Variants in NRF1 observed in about 807,000 individuals in gnomAD.
The protein encoded by NRF1 is nuclear respiratory factor 1.
In NRF1, 5 loss-of-function variants were observed where a neutral mutation model predicts 58.5. The observed-to-expected ratio is 0.09, with a 90% CI of 0.04 to 0.18. The LOEUF is 0.18. NRF1 is among the 10% of genes least tolerant of loss of function. The pLI is 1.00. For missense variants in NRF1, 288 were observed against 657.7 expected (o/e 0.44, Z 6.15); for synonymous variants, 224 against 246.7 (o/e 0.91, Z 0.86).
intron 2 of NRF1, among the ~76,000 whole-genome samples, chr7:129,663,853 G>A (rs1354809073): frequency 1.3e-5 from 2 of 152,222 alleles, no homozygotes; most frequent in East Asian, 3.9e-4. Context: ...CATTGAGTGA[G>A]CGAGACTCCG....
rs189191894 is a variant in NRF1 at position 129,628,168 on chromosome 7, C to T, written c.-7+16344C>T. Among the ~76,000 whole-genome samples the T allele has an allele frequency of 3.2e-3, 485 of 150,440 alleles. 2 individuals carry two copies. The highest frequency in any genetic ancestry group is 0.011 in the African/African-American group (462 of 41,034). On this transcript the variant is annotated intron_variant, in intron 1 of 10. Coordinates refer to ENST00000393232, the MANE Select transcript of NRF1 (RefSeq NM_005011.5). ...ACTCCATTCTCCTACCTCAGCCTCC[C>T]AAGTAGCTGGGACTACAGGTGCCCG...
In NRF1 at chr7:129,676,588, G is replaced by A. The variant is rs1206364957; in HGVS notation, c.339-1044G>A. ...TTTGCCATCTTTTGTGGGCACTGTCGTGCCCCAAAACAATTAAAATAGTAA... is the reference window on the plus strand; with the variant it reads ...TTTGCCATCTTTTGTGGGCACTGTCATGCCCCAAAACAATTAAAATAGTAA... On this transcript the variant is annotated intron_variant, in intron 3 of 10. Coordinates refer to ENST00000393232, the MANE Select transcript of NRF1 (RefSeq NM_005011.5). 1.1e-4 allele frequency among the ~76,000 whole-genome samples: 16 copies of A among 152,260 alleles called. No individual in the cohort carries two copies. In the East Asian group the frequency reaches 2.3e-3, roughly 22 times the overall value.
chr7:129,670,091 A>G (rs866059957), intron 2 of NRF1, among the ~76,000 whole-genome samples: 1 of 152,366 alleles, frequency 6.6e-6, no homozygotes, highest in Middle Eastern at 3.4e-3. Context: ...CAAACCAGTC[A>G]TAGAAAGACA....
intron 4 of NRF1, among the ~76,000 whole-genome samples, chr7:129,680,308 C>G (rs1390969755): frequency 6.6e-6 from 1 of 151,956 alleles, no homozygotes; most frequent in South Asian, 2.1e-4. Flanking sequence ...CTCTTCATAC[C>G]CACAGGGATG....
chr7:129,645,636 T>C (rs1801388412), intron 1 of NRF1, among the ~76,000 whole-genome samples: 2 of 152,204 alleles, frequency 1.3e-5, no homozygotes, highest in South Asian at 2.1e-4. Context: ...TCGAGTAATA[T>C]GACAAATTAT....
Position 129,657,464 on chromosome 7 carries a change from T to C in NRF1, c.113T>C (p.Leu38Pro), listed in dbSNP as rs755286255. ...HVATYTEHSM[L>P]SADEDSPSSP... ...GCTACTTACACCGAGCATAGTATGC[T>C]GAGTGCTGATGAAGACTCGCCTTCT... The change falls in exon 2 of 11, where the codon CTG (leucine) becomes CCG (proline). Residue 38 changes from leucine to proline, a missense_variant. Leu to Pro is a moderately conservative substitution (Grantham distance 98). Around this residue, in one of 3 missense-constraint regions of NRF1, gnomAD observed 48 missense variants for 65.5 expected, o/e 0.73. Coordinates refer to ENST00000393232, the MANE Select transcript of NRF1 (RefSeq NM_005011.5). 6.2e-7 allele frequency: 1 copy of C among 1,614,084 alleles called. No individual in the cohort carries two copies. Among genetic ancestry groups the C allele is most frequent in the South Asian group, 1.1e-5 (1 of 91,078 alleles).
intron 2 of NRF1, among the ~76,000 whole-genome samples, chr7:129,669,458 T>C (rs1453168528): frequency 6.6e-6 from 1 of 152,156 alleles, no homozygotes; most frequent in African/African-American, 2.4e-5. Flanking sequence ...CCAGTGTGAG[T>C]TGATGAATGG....
chr7:129,679,524 A>C (rs973989491), intron 4 of NRF1, among the ~76,000 whole-genome samples: 3 of 152,270 alleles, frequency 2.0e-5, no homozygotes, highest in Non-Finnish European at 4.4e-5. Flanking sequence ...GTTCGAGACC[A>C]GCCTGGCCAA....
intron 5 of NRF1, among the ~76,000 whole-genome samples, chr7:129,696,086 A>C (rs988131410): frequency 6.8e-6 from 1 of 147,244 alleles, no homozygotes; most frequent in East Asian, 2.0e-4. Flanking sequence ...AAAAAAAAAA[A>C]CAACCAAATT....
At position 129,717,261 on chromosome 7, in the gene NRF1, A is replaced by G. The variant is rs1319203672; in HGVS notation, c.1108A>G (p.Ile370Val). 2 of 1,613,862 alleles carry G rather than the reference A, an allele frequency of 1.2e-6. No individual in the cohort carries two copies. The highest frequency in any genetic ancestry group is 2.2e-5 in the East Asian group (1 of 44,874). ...WATLQGGEMT[I>V]QTTQASEATQ... is the part of the protein sequence containing the mutation. ...CACGTTACAGGGAGGTGAGATGACC[A>G]TCCAGACGACGCAAGCATCAGAGGC... Residue 370 changes from isoleucine (I) to valine (V), a missense_variant, in exon 9 of 11, where the codon ATC (isoleucine) becomes GTC (valine). By Grantham distance (29) the Ile-to-Val change is conservative. Around this residue, in one of 3 missense-constraint regions of NRF1, gnomAD observed 212 missense variants for 559.7 expected, o/e 0.38. Transcript: ENST00000393232.
intron 1 of NRF1, among the ~76,000 whole-genome samples, chr7:129,641,260 A>T (rs1052174538): frequency 3.3e-5 from 5 of 152,118 alleles, no homozygotes; most frequent in African/African-American, 1.2e-4. Flanking sequence ...CCCTGTCATT[A>T]TTTGATATTT....
At chr7:129,653,175 T>C (rs1305789051) in intron 1 of NRF1, among the ~76,000 whole-genome samples, 2 of 152,202 alleles carry the variant, frequency 1.3e-5, no homozygotes, top group Admixed American at 6.5e-5. Context: ...TCATACAGTA[T>C]TTGTTCTTTT....
At chr7:129,696,363 A>G (rs1262238075) in intron 5 of NRF1, among the ~76,000 whole-genome samples, 1 of 152,026 alleles carries the variant, frequency 6.6e-6, no homozygotes, top group Non-Finnish European at 1.5e-5. Context: ...TTCCCCCCTT[A>G]TTTTCCTCTT....
At chr7:129,677,159 T>C (rs1349535881) in intron 3 of NRF1, among the ~76,000 whole-genome samples, 1 of 152,002 alleles carries the variant, frequency 6.6e-6, no homozygotes, top group African/African-American at 2.4e-5. Flanking sequence ...TACAGGCGTG[T>C]GCCACCATGT....
chr7:129,652,736 G>T (rs919613936), intron 1 of NRF1, among the ~76,000 whole-genome samples: 1 of 152,054 alleles, frequency 6.6e-6, no homozygotes, highest in African/African-American at 2.4e-5. Flanking sequence ...GACTGCAGGC[G>T]CCCGCCACCA....
intron 1 of NRF1, among the ~76,000 whole-genome samples, chr7:129,646,596 A>G (rs6949152): frequency 0.22 from 34,019 of 152,130 alleles, 4,629 homozygotes; most frequent in African/African-American, 0.39. Flanking sequence ...CTGGTACTCA[A>G]CCACCAGGAG....
At chr7:129,723,272 C>T (rs554882053) in intron 9 of NRF1, among the ~76,000 whole-genome samples, 38 of 151,890 alleles carry the variant, frequency 2.5e-4, no homozygotes, top group Admixed American at 4.6e-4. Context: ...GGAGAAACCC[C>T]GTCTCTACTA....
At chr7:129,662,541 T>A (rs1801809770) in intron 2 of NRF1, among the ~76,000 whole-genome samples, 2 of 152,126 alleles carry the variant, frequency 1.3e-5, no homozygotes. Context: ...GTTGTTAATG[T>A]CATTTCTTGT....
chr7:129,674,715 G>A (rs1320751270), intron 3 of NRF1, among the ~76,000 whole-genome samples: 1 of 152,118 alleles, frequency 6.6e-6, no homozygotes, highest in African/African-American at 2.4e-5. Flanking sequence ...GATTACAGGT[G>A]TGAGCCACTG....
Sources: gnomAD v4.1 joint callset for allele counts (sites outside exome capture counted in the v4.1 genomes callset) on GRCh38, gnomAD v4.1.1 for gene constraint, gnomAD v4.1.1 regional missense constraint, MANE v1.5 for transcripts, NCBI Gene and HGNC (gene_info 2026-07-23, HGNC 2026-07-21) for gene names.